Variants in ZNF385D observed in about 807,000 individuals in gnomAD.
ZNF385D encodes zinc finger protein 659.
Under a neutral mutation model 35.8 loss-of-function variants are expected in ZNF385D, and 15 were observed. The ratio of observed to expected loss-of-function variants is 0.42; its 90% CI spans 0.28 to 0.64. The LOEUF (loss-of-function observed/expected upper bound fraction) is 0.64, where lower values mean the gene tolerates loss of function less well. Ranked by LOEUF, ZNF385D falls within the 30% of genes least tolerant of loss-of-function variation. The pLI, the probability that ZNF385D is intolerant of heterozygous loss-of-function variation, is 0.23. For missense variants in ZNF385D, 474 were observed against 494.6 expected (o/e 0.96, Z 0.39); for synonymous variants, 212 against 186.8 (o/e 1.13, Z -1.10).
rs148179297 is a variant in ZNF385D at position 22,243,595 on chromosome 3, G to A, written c.107-74560C>T. ...GAAATTAGCCTGCTATTATGACAAT[G>A]GAAATGCCATGAATCAGGACCAGGT... is the stretch of plus-strand genomic sequence containing the variant. On this transcript the variant is annotated intron_variant, in intron 2 of 5. Coordinates refer to the ZNF385D transcript ENST00000494108. Among the ~76,000 whole-genome samples, 173 of 151,096 alleles carry A rather than the reference G, an allele frequency of 1.1e-3. 6 individuals carry two copies. The highest frequency in any genetic ancestry group is 3.9e-3 in the African/African-American group (160 of 40,934).
intron 4 of ZNF385D, among the ~76,000 whole-genome samples, chr3:21,445,365 A>C (rs1281096420): frequency 6.6e-6 from 1 of 152,208 alleles, no homozygotes; most frequent in East Asian, 1.9e-4. Context: ...GGCTTGACTT[A>C]AGCTCGCCCT....
In ZNF385D at chr3:21,603,331, T is replaced by C. The variant is rs115394892; in HGVS notation, c.166-38647A>G. 6.6e-3 allele frequency among the ~76,000 whole-genome samples: 1,006 copies of C among 152,276 alleles called. 16 individuals are homozygous for C. Among genetic ancestry groups the C allele is most frequent in the African/African-American group, 0.023 (969 of 41,524 alleles). On this transcript the variant is annotated intron_variant, in intron 2 of 7. Transcript: ENST00000281523. ...CTGTTTTGTACTGGAGGAAGGGAAT[T>C]TGGCAATGTCTTTGGAAGTTAAAAG...
At chr3:21,846,724 G>C (rs1298821509) in intron 3 of ZNF385D, among the ~76,000 whole-genome samples, 2 of 151,992 alleles carry the variant, frequency 1.3e-5, no homozygotes, top group African/African-American at 4.8e-5. Flanking sequence ...CCTAGCTTTA[G>C]AGAGAGAGGA....
chr3:21,828,701 C>T (rs1038478508), intron 3 of ZNF385D, among the ~76,000 whole-genome samples: 1 of 152,220 alleles, frequency 6.6e-6, no homozygotes, highest in Non-Finnish European at 1.5e-5. Flanking sequence ...ACCTTAGTGG[C>T]TTAAAACAAT....
intron 3 of ZNF385D, among the ~76,000 whole-genome samples, chr3:21,827,950 C>T (rs1343335539): frequency 6.6e-6 from 1 of 152,154 alleles, no homozygotes; most frequent in Admixed American, 6.5e-5. Context: ...AACTAGGAAT[C>T]TACCTGGATA....
intron 3 of ZNF385D, among the ~76,000 whole-genome samples, chr3:21,895,847 G>C (rs544898445): frequency 1.1e-3 from 170 of 152,124 alleles, no homozygotes; most frequent in Non-Finnish European, 2.0e-3. Flanking sequence ...TTAAGATCTT[G>C]GACGTATGGC....
intron 3 of ZNF385D, among the ~76,000 whole-genome samples, chr3:22,140,207 C>G (rs1457052318): frequency 6.6e-6 from 1 of 152,156 alleles, no homozygotes; most frequent in East Asian, 1.9e-4. Flanking sequence ...AATAAACAAA[C>G]TGTAGTACAT....
chr3:21,414,819 G>C lies in ZNF385D; in HGVS notation c.*6395C>G, dbSNP rs372394904. ...TTTTCTATAATCCATTTAAAAACCA[G>C]ATGCCATAAAATGGAATTTTTCTTG... On this transcript the variant is annotated 3_prime_UTR_variant, in exon 8 of 8. Transcript: ENST00000281523. 2 of 152,042 alleles carry C rather than the reference G, an allele frequency of 1.3e-5. No homozygotes were observed. The highest frequency in any genetic ancestry group is 2.9e-5 in the Non-Finnish European group (2 of 68,008). 9.4% of individuals were successfully genotyped at this position (152,042 alleles called of 1,614,324 possible). A position where few individuals can be genotyped will look rare whatever the true frequency, so the allele number is the denominator to read the frequency against.
chr3:21,963,334 A>C (rs1702702455), intron 3 of ZNF385D, among the ~76,000 whole-genome samples: 1 of 152,114 alleles, frequency 6.6e-6, no homozygotes, highest in Non-Finnish European at 1.5e-5. Context: ...AGAAGGATGA[A>C]CAGTACTTAG....
chr3:22,125,426 G>GA (rs994320678), intron 3 of ZNF385D, among the ~76,000 whole-genome samples: 1 of 151,898 alleles, frequency 6.6e-6, no homozygotes, highest in Non-Finnish European at 1.5e-5. Flanking sequence ...TAATTTTTAG[G>GA]ATTTTTTTTC....
chr3:21,814,694 C>T (rs768209048), intron 3 of ZNF385D, among the ~76,000 whole-genome samples: 11 of 152,196 alleles, frequency 7.2e-5, no homozygotes, highest in Middle Eastern at 3.4e-3. Context: ...AAGTCCCTAG[C>T]GACCTCCAAA....
intron 3 of ZNF385D, among the ~76,000 whole-genome samples, chr3:22,127,849 A>AT (rs1703528145): frequency 6.9e-6 from 1 of 144,578 alleles, no homozygotes; most frequent in African/African-American, 2.4e-5. Flanking sequence ...ATACTATACT[A>AT]TCTATGTCTT....
chr3:21,764,180 T>C (rs1369124551), intron 3 of ZNF385D, among the ~76,000 whole-genome samples: 2 of 152,182 alleles, frequency 1.3e-5, no homozygotes, highest in Non-Finnish European at 2.9e-5. Context: ...AAGAGTATTC[T>C]GGGCATGGTT....
chr3:22,259,306 G>A (rs944909874), intron 2 of ZNF385D, among the ~76,000 whole-genome samples: 1 of 151,840 alleles, frequency 6.6e-6, no homozygotes, highest in Non-Finnish European at 1.5e-5. Flanking sequence ...CCAGATTCAA[G>A]TTTTCCAAAA....
intron 2 of ZNF385D, among the ~76,000 whole-genome samples, chr3:22,277,477 G>A (rs916050783): frequency 6.6e-6 from 1 of 151,998 alleles, no homozygotes; most frequent in African/African-American, 2.4e-5. Flanking sequence ...CAAGAAAGCA[G>A]CAGAAGAAAA....
At chr3:21,594,067 A>G (rs1264263644) in intron 2 of ZNF385D, among the ~76,000 whole-genome samples, 1 of 152,194 alleles carries the variant, frequency 6.6e-6, no homozygotes, top group Non-Finnish European at 1.5e-5. Context: ...ACCCACAAGA[A>G]CACAGGGAAT....
At chr3:22,320,579 T>C (rs1427977368) in intron 2 of ZNF385D, among the ~76,000 whole-genome samples, 1 of 150,646 alleles carries the variant, frequency 6.6e-6, no homozygotes, top group Non-Finnish European at 1.5e-5. Context: ...AGTATGTTTG[T>C]ATAGAAGTAA....
At chr3:21,773,049 G>A (rs987720855) in intron 3 of ZNF385D, among the ~76,000 whole-genome samples, 1 of 151,740 alleles carries the variant, frequency 6.6e-6, no homozygotes, top group Non-Finnish European at 1.5e-5. Flanking sequence ...TGGAGATGGG[G>A]GAGAGAAAAA....
intron 2 of ZNF385D, among the ~76,000 whole-genome samples, chr3:22,230,698 G>T (rs1698834967): frequency 1.3e-5 from 2 of 152,150 alleles, no homozygotes; most frequent in African/African-American, 4.8e-5. Context: ...TTTTCTATGT[G>T]TAATTTGGCT....
Sources: allele counts gnomAD v4.1 joint callset (sites outside exome capture counted in the v4.1 genomes callset), GRCh38; gene constraint gnomAD v4.1.1; transcripts MANE v1.5; gene names NCBI Gene and HGNC (gene_info 2026-07-23, HGNC 2026-07-21).